EZR: variants seen among roughly 807,000 people sequenced by gnomAD.
EZR encodes the protein ezrin.
EZR carries 40 observed loss-of-function variants against 74.8 expected under a neutral mutation model. That is an observed-to-expected ratio of 0.53 (90% CI 0.42 to 0.70). EZR has a LOEUF of 0.70. Among genes scored for constraint, EZR ranks in the 30% least tolerant of loss-of-function variants. The pLI is 0.00. For synonymous variants in EZR, 341 were observed against 283.3 expected (o/e 1.20, Z -2.05); for missense variants, 678 against 755.8 (o/e 0.90, Z 1.21).
chr6:158,774,527 G>A (rs1409394769), intron 8 of EZR, among the ~76,000 whole-genome samples: 1 of 151,862 alleles, frequency 6.6e-6, no homozygotes, highest in Non-Finnish European at 1.5e-5. Context: ...CGTGCCACCA[G>A]CGAATGTTTC....
chr6:158,803,636 CAT>C (rs778538326), intron 2 of EZR, among the ~76,000 whole-genome samples: 8,604 of 35,968 alleles, frequency 0.24, 1,030 homozygotes, highest in African/African-American at 0.37. Context: ...CATATACATA[CAT>C]ATATATATAT....
chr6:158,804,484 T>A (rs981967619), intron 2 of EZR, among the ~76,000 whole-genome samples: 1 of 152,220 alleles, frequency 6.6e-6, no homozygotes, highest in East Asian at 1.9e-4. Flanking sequence ...AGGTATATCA[T>A]AAATACTTCA....
Position 158,769,384 on chromosome 6 carries a change from G to A in EZR, c.1286C>T (p.Ala429Val), listed in dbSNP as rs1447321515. ...GCGCCTCCGCGCCTCTTCCAGGAGG[G>A]CAATCTTGGCAGTGTATTCTGCAAG... ...AELAEYTAKI[A>V]LLEEARRRKE... The change falls in exon 12 of 14, where the codon GCC becomes GTC. Residue 429 changes from alanine (A) to valine (V), a missense_variant. Physicochemically the swap from Ala to Val is moderately conservative, Grantham distance 64. This residue lies in a region of EZR where 342 missense variants were observed against 341.2 expected (regional missense o/e 1.00). Coordinates refer to ENST00000367075, the MANE Select transcript of EZR (RefSeq NM_001111077.2). 1.2e-6 allele frequency: 2 copies of A among 1,608,522 alleles called. No individual in the cohort carries two copies. The highest frequency in any genetic ancestry group is 1.1e-5 in the South Asian group (1 of 91,080).
At position 158,789,302 on chromosome 6, in the gene EZR, G is replaced by C; in HGVS notation, c.82C>G (p.Gln28Glu). ...FAIQPNTTGK[Q>E]LFDQVVKTIG... ...CAGAGACCAACCTGATCAAAAAGCTGTTTTCCAGTTGTATTTGGCTGGATT... is the reference window on the plus strand; with the variant it reads ...CAGAGACCAACCTGATCAAAAAGCTCTTTTCCAGTTGTATTTGGCTGGATT... The change falls in exon 3 of 14, where the codon CAG becomes GAG. Residue 28 changes from glutamine (Q) to glutamate (E), a missense_variant. Gln to Glu is a conservative substitution (Grantham distance 29). Transcript: ENST00000367075. The C allele has an allele frequency of 6.2e-7, 1 of 1,613,976 alleles. No individual in the cohort carries two copies. Among genetic ancestry groups the C allele is most frequent in the Non-Finnish European group, 8.5e-7 (1 of 1,179,870 alleles).
chr6:158,790,686 CA>C lies in EZR; in HGVS notation c.13-1316del, dbSNP rs148357534. ...AAGACTCCATCTCAAAACAAACAAA[CA>C]AAAAAAACCCACCACCACAACAACA... On this transcript the variant is annotated intron_variant, in intron 2 of 13. Coordinates refer to ENST00000367075, the MANE Select transcript of EZR (RefSeq NM_001111077.2). 5.3e-5 allele frequency among the ~76,000 whole-genome samples: 6 copies of C among 113,232 alleles called. No homozygotes were observed. The South Asian group carries it at 9.0e-4, about 17-fold the overall frequency. 74.3% of individuals were successfully genotyped at this position (113,232 alleles called of 152,430 possible).
chr6:158,779,802 C>T (rs1791380252), intron 7 of EZR, among the ~76,000 whole-genome samples: 1 of 152,098 alleles, frequency 6.6e-6, no homozygotes, highest in African/African-American at 2.4e-5. Context: ...TCTTGAACTC[C>T]TGAGCTCAAG....
chr6:158,799,778 G>C (rs9355254), intron 2 of EZR, among the ~76,000 whole-genome samples: 3 of 152,046 alleles, frequency 2.0e-5, no homozygotes, highest in African/African-American at 7.2e-5. Flanking sequence ...AGAAAAGCCC[G>C]AGAGGCAAGT....
intron 8 of EZR, among the ~76,000 whole-genome samples, chr6:158,775,372 G>A (rs1352432014): frequency 2.0e-5 from 3 of 152,176 alleles, no homozygotes; most frequent in African/African-American, 7.2e-5. Flanking sequence ...TCACAAAATT[G>A]TCAAGACCTG....
rs538920041 is a variant in EZR, at chr6:158,809,755, G to C, written c.12+8327C>G. Reference sequence around the variant, plus strand: ...AATTATTTTTATGCTAGAAGCAGGAGTTGGTCCATTTGTTTCTCTAAAGAG... The same window carrying C: ...AATTATTTTTATGCTAGAAGCAGGACTTGGTCCATTTGTTTCTCTAAAGAG... On this transcript the variant is annotated intron_variant, in intron 2 of 13. Coordinates refer to ENST00000367075, the MANE Select transcript of EZR (RefSeq NM_001111077.2). Among the ~76,000 whole-genome samples, 344 of 152,362 alleles carry C rather than the reference G, an allele frequency of 2.3e-3. 1 individual carries two copies. Among genetic ancestry groups the C allele is most frequent in the Non-Finnish European group, 3.9e-3 (262 of 68,042 alleles).
At chr6:158,786,671 AGG>A (rs1791590764) in intron 4 of EZR, among the ~76,000 whole-genome samples, 2 of 149,862 alleles carry the variant, frequency 1.3e-5, no homozygotes, top group Admixed American at 6.6e-5. Flanking sequence ...AAAAAAAAAA[AGG>A]ATAATTTTCA....
chr6:158,796,286 G>T (rs992332297), intron 2 of EZR, among the ~76,000 whole-genome samples: 4 of 152,206 alleles, frequency 2.6e-5, no homozygotes, highest in Non-Finnish European at 5.9e-5. Context: ...CAATGCAACC[G>T]ACATGCAAGG....
At chr6:158,772,673 A>C (rs1272443270) in intron 8 of EZR, among the ~76,000 whole-genome samples, 1 of 152,226 alleles carries the variant, frequency 6.6e-6, no homozygotes, top group Non-Finnish European at 1.5e-5. Flanking sequence ...ACAAGACAGA[A>C]GAATATGGTT....
rs1354448187 is a variant in EZR at position 158,766,237 on chromosome 6, A to T, written c.*677T>A. 2 of 152,458 alleles carry T rather than the reference A, an allele frequency of 1.3e-5. No individual in the cohort carries two copies. Among genetic ancestry groups the T allele is most frequent in the Non-Finnish European group, 2.9e-5 (2 of 68,008 alleles). The allele number at this position is 152,458 out of a possible 1,614,324, so 9.4% of individuals were successfully genotyped here. ...AAATCTGTATTATCACTTGTATATA[A>T]ATAGTATATAGCTGATCATTAATAA... On this transcript the variant is annotated 3_prime_UTR_variant, in exon 14 of 14. Coordinates refer to ENST00000367075, the MANE Select transcript of EZR (RefSeq NM_001111077.2).
At chr6:158,792,650 T>A (rs1164065111) in intron 2 of EZR, among the ~76,000 whole-genome samples, 2 of 151,946 alleles carry the variant, frequency 1.3e-5, no homozygotes, top group African/African-American at 2.4e-5. Context: ...AAACCCCATC[T>A]CTACTAAAAA....
chr6:158,813,930 T>C (rs1437450991), intron 2 of EZR, among the ~76,000 whole-genome samples: 1 of 152,190 alleles, frequency 6.6e-6, no homozygotes, highest in Non-Finnish European at 1.5e-5. Context: ...CAGTGTTCCT[T>C]GCTCACTCCC....
intron 1 of EZR, 91 bp from the exon 2 acceptor site, chr6:158,818,257 CT>C: frequency 1.6e-6 from 1 of 640,764 alleles, no homozygotes; most frequent in Non-Finnish European, 2.5e-6. Context: ...CGCGCTGCCG[CT>C]TAAGAACCGG....
chr6:158,800,574 G>A (rs1040884039), intron 2 of EZR, among the ~76,000 whole-genome samples: 1 of 152,220 alleles, frequency 6.6e-6, no homozygotes, highest in African/African-American at 2.4e-5. Flanking sequence ...GCTGAGGCAG[G>A]TGGATCACTT....
At chr6:158,779,302 G>A (rs1278153941) in intron 7 of EZR, among the ~76,000 whole-genome samples, 1 of 152,172 alleles carries the variant, frequency 6.6e-6, no homozygotes, top group African/African-American at 2.4e-5. Context: ...GACAAAAAAA[G>A]ACTGGAACTA....
intron 11 of EZR, 51 bp downstream of exon 11, chr6:158,769,733 C>G (rs1791036571): frequency 6.2e-7 from 1 of 1,601,838 alleles, no homozygotes; most frequent in Admixed American, 1.7e-5. Flanking sequence ...TTTCCATCCT[C>G]AGAAGCAGCC....
Sources: allele counts gnomAD v4.1 joint callset (sites outside exome capture counted in the v4.1 genomes callset), GRCh38; gene constraint gnomAD v4.1.1; regional missense constraint gnomAD v4.1.1; transcripts MANE v1.5; gene names NCBI Gene and HGNC (gene_info 2026-07-23, HGNC 2026-07-21).